The following CENPE variants were observed in gnomAD, a reference collection of about 807,000 sequenced individuals.
CENPE encodes the protein centromere protein E.
A neutral mutation model predicts 336.1 loss-of-function variants in CENPE; 145 were observed. The observed-to-expected ratio is 0.43, with a 90% CI of 0.38 to 0.50. The LOEUF (loss-of-function observed/expected upper bound fraction) is 0.50. Among genes scored for constraint, CENPE ranks in the 20% least tolerant of loss-of-function variants. CENPE has a pLI of 0.00. For missense variants in CENPE, 2,719 were observed against 3,023.3 expected (o/e 0.90, Z 2.36); for synonymous variants, 1,013 against 984.8 (o/e 1.03, Z -0.54).
At chr4:103,167,886 C>T (rs1195073505) in intron 16 of CENPE, among the ~76,000 whole-genome samples, 1 of 152,188 alleles carries the variant, frequency 6.6e-6, no homozygotes, top group Non-Finnish European at 1.5e-5. Flanking sequence ...GGCAGATGGG[C>T]TCTTCTGCCT....
intron 46 of CENPE, among the ~76,000 whole-genome samples, chr4:103,113,856 T>C (rs1158563704): frequency 6.6e-6 from 1 of 151,630 alleles, no homozygotes; most frequent in African/African-American, 2.4e-5. Context: ...TGCGTAAAGC[T>C]ATCTCAAGTA....
At chr4:103,184,925 A>T (rs1184466752) in intron 9 of CENPE, among the ~76,000 whole-genome samples, 1 of 152,170 alleles carries the variant, frequency 6.6e-6, no homozygotes, top group Admixed American at 6.5e-5. Context: ...CAGAGGCCTG[A>T]TATCCTTGTG....
At position 103,116,251 on chromosome 4, in the gene CENPE, T is replaced by TACACACACACACACAC. The variant is rs58894383; in HGVS notation, c.7442+310_7442+325dup. The TACACACACACACACAC allele has an allele frequency of 6.8e-3, 1,024 of 150,004 alleles. 11 individuals carry two copies. Among genetic ancestry groups the TACACACACACACACAC allele is most frequent in the Middle Eastern group, 0.017 (5 of 300 alleles). The allele number at this position is 150,004 out of a possible 1,614,324, so 9.3% of individuals were successfully genotyped here. On this transcript the variant is annotated intron_variant, in intron 45 of 48. Transcript: ENST00000265148. ...CAGAAGCCTTAGTAAAACTGCTAAATACACACACACACACACACACACACA... is the reference window on the plus strand; with the variant it reads ...CAGAAGCCTTAGTAAAACTGCTAAATACACACACACACACACACACACACACACACACACACACACA...
chr4:103,154,106 C>A (rs1213774896), intron 24 of CENPE, among the ~76,000 whole-genome samples: 1 of 151,988 alleles, frequency 6.6e-6, no homozygotes, highest in Non-Finnish European at 1.5e-5. Context: ...TGACATTACA[C>A]TAGTTCAGCA....
rs572411550 is a variant in CENPE, at chr4:103,154,513, T to C, written c.3034-1263A>G. Among the ~76,000 whole-genome samples, 6 of 152,288 alleles carry C rather than the reference T, an allele frequency of 3.9e-5. No homozygotes were observed. In the East Asian group the frequency reaches 1.2e-3, roughly 29 times the overall value. ...GCAATATGCATGAGCTTCTAGAAGATAACAGTGATCACAGAGCTAACTACA... is the reference window on the plus strand; with the variant it reads ...GCAATATGCATGAGCTTCTAGAAGACAACAGTGATCACAGAGCTAACTACA... On this transcript the variant is annotated intron_variant, in intron 24 of 48. Coordinates refer to ENST00000265148, the MANE Select transcript of CENPE (RefSeq NM_001813.3).
chr4:103,162,561 T>C (rs112901325), intron 18 of CENPE, among the ~76,000 whole-genome samples: 1,510 of 149,048 alleles, frequency 0.01, 30 homozygotes, highest in African/African-American at 0.035. Context: ...TTCGGAATTT[T>C]AAAATTTTAC....
At chr4:103,142,787 A>T (rs1578595938) in intron 34 of CENPE, among the ~76,000 whole-genome samples, 1 of 152,044 alleles carries the variant, frequency 6.6e-6, no homozygotes. Context: ...AGGCGGGTGG[A>T]TCATGAGGTC....
rs1560617841 is a variant in CENPE, at chr4:103,140,025, T to C, written c.5968A>G (p.Asn1990Asp). 3.1e-6 allele frequency: 5 copies of C among 1,612,390 alleles called. No homozygotes were observed. The highest frequency in any genetic ancestry group is 3.4e-6 in the Non-Finnish European group (4 of 1,179,068). Residue 1990 changes from asparagine (N) to aspartate (D), a missense_variant, in exon 38 of 49, where the codon AAT becomes GAT. Transcript: ENST00000265148. ...LQLLRVKEDV[N>D]MSHKKINEME... ...TCATTAATTTTTTTATGACTCATAT[T>C]GACATCTTCTTTCACTCTAAGCAGT...
At chr4:103,182,658 C>G in intron 11 of CENPE, 104 bp downstream of exon 11, 2 of 904,104 alleles carry the variant, frequency 2.2e-6, no homozygotes, top group Non-Finnish European at 1.6e-6. Context: ...TCGATTATAA[C>G]AGGCGAGTTA....
chr4:103,139,739 A>G, intron 38 of CENPE, 50 bp downstream of exon 38: 3 of 1,451,022 alleles, frequency 2.1e-6, no homozygotes, highest in Non-Finnish European at 2.8e-6. Context: ...TTTTCAAAAA[A>G]GCTTAATTCT....
intron 26 of CENPE, among the ~76,000 whole-genome samples, chr4:103,150,383 A>C (rs1222989760): frequency 1.3e-5 from 2 of 152,124 alleles, no homozygotes; most frequent in Non-Finnish European, 2.9e-5. Flanking sequence ...GGAGTTTGAG[A>C]CCAGCCTGGG....
intron 46 of CENPE, among the ~76,000 whole-genome samples, chr4:103,111,542 AG>A (rs1749428559): frequency 6.6e-6 from 1 of 152,248 alleles, no homozygotes; most frequent in Non-Finnish European, 1.5e-5. Flanking sequence ...TTGTAGGCAA[AG>A]TTGCACAAAA....
At chr4:103,198,133 G>C (rs913902720) in intron 1 of CENPE, 131 bp downstream of exon 1, 1 of 804,594 alleles carries the variant, frequency 1.2e-6, no homozygotes, top group African/African-American at 1.7e-5. Flanking sequence ...TGAAACGATG[G>C]CCAGCAGCCG....
At chr4:103,146,368 T>C (rs1399861581) in intron 29 of CENPE, among the ~76,000 whole-genome samples, 5 of 152,240 alleles carry the variant, frequency 3.3e-5, no homozygotes, top group Admixed American at 3.3e-4. Context: ...TTGAGACTTA[T>C]ACTTCAAGGA....
intron 8 of CENPE, among the ~76,000 whole-genome samples, chr4:103,191,028 CA>C (rs1260321428): frequency 4.0e-5 from 6 of 151,734 alleles, no homozygotes; most frequent in Non-Finnish European, 5.9e-5. Flanking sequence ...TTTATGCAGC[CA>C]AAAGACACAC....
chr4:103,123,533 G>GA (rs1336740694), intron 42 of CENPE, among the ~76,000 whole-genome samples: 4 of 151,886 alleles, frequency 2.6e-5, no homozygotes, highest in African/African-American at 2.4e-5. Context: ...AACTTAATAA[G>GA]AAAAAAAATC....
intron 10 of CENPE, 46 bp downstream of exon 10, chr4:103,183,154 GA>G (rs1382913734): frequency 1.4e-6 from 2 of 1,411,514 alleles, no homozygotes; most frequent in Admixed American, 1.8e-5. Flanking sequence ...TCAACCTAAT[GA>G]AAAATATAAG....
chr4:103,141,668 TG>T, intron 35 of CENPE, 81 bp downstream of exon 35: 1 of 937,280 alleles, frequency 1.1e-6, no homozygotes. Context: ...TTTTCCAGTG[TG>T]GTTGAACCAT....
At chr4:103,166,378 A>C (rs1754922281) in intron 16 of CENPE, among the ~76,000 whole-genome samples, 1 of 152,194 alleles carries the variant, frequency 6.6e-6, no homozygotes. Context: ...TAATCATGAC[A>C]CTAGGCCAGT....
Sources: allele counts gnomAD v4.1 joint callset (sites outside exome capture counted in the v4.1 genomes callset), GRCh38; gene constraint gnomAD v4.1.1; transcripts MANE v1.5; gene names NCBI Gene and HGNC (gene_info 2026-07-23, HGNC 2026-07-21).